CA12: variants seen among roughly 807,000 people sequenced by gnomAD.
The protein encoded by CA12 is carbonate dehydratase XII.
In CA12, 36 loss-of-function variants were observed where a neutral mutation model predicts 46.8. The observed-to-expected ratio is 0.77, with a 90% CI of 0.59 to 1.02. CA12 has a LOEUF of 1.02. CA12 is among the 50% of genes least tolerant of loss of function. CA12 has a pLI of 0.00. For missense variants in CA12, 436 were observed against 451.4 expected, an observed-to-expected ratio of 0.97 and a Z score of 0.31; for synonymous variants, 202 against 187.0, an observed-to-expected ratio of 1.08 and a Z score of -0.65.
chr15:63,365,616 A>G (rs2039427028), intron 2 of CA12, among the ~76,000 whole-genome samples: 1 of 152,250 alleles, frequency 6.6e-6, no homozygotes, highest in African/African-American at 2.4e-5. Context: ...TTCAGCCACA[A>G]TCAGGCTGCT....
intron 4 of CA12, among the ~76,000 whole-genome samples, chr15:63,344,050 G>C (rs992986429): frequency 6.6e-6 from 1 of 152,200 alleles, no homozygotes; most frequent in Non-Finnish European, 1.5e-5. Flanking sequence ...TCAGGACAAA[G>C]GATAGAACTC....
chr15:63,368,171 A>C (rs2039458825), intron 2 of CA12, among the ~76,000 whole-genome samples: 1 of 152,236 alleles, frequency 6.6e-6, no homozygotes, highest in Admixed American at 6.5e-5. Context: ...TTCTCAATGC[A>C]ACTGATAACA....
intron 1 of CA12, among the ~76,000 whole-genome samples, chr15:63,381,146 T>C (rs1248492702): frequency 6.6e-6 from 1 of 152,102 alleles, no homozygotes; most frequent in Non-Finnish European, 1.5e-5. Context: ...ATGGGATGCA[T>C]CATCCCTTTG....
Position 63,346,678 on chromosome 15 carries a change from C to G in CA12, c.138G>C (p.Lys46Asn), listed in dbSNP as rs1555430395. 1 of 1,614,224 alleles carries G rather than the reference C, an allele frequency of 6.2e-7. No individual in the cohort carries two copies. The highest frequency in any genetic ancestry group is 1.7e-5 in the Admixed American group (1 of 60,020). ...GCAGCAGGCCCCCACACGACGGGTA[C>G]TTCTTGGACCAGCTATTCTCCCCAT... ...GPDGENSWSK[K>N]YPSCGGLLQS... is the part of the protein sequence containing the mutation. The change falls in exon 3 of 11, where the codon AAG becomes AAC. Residue 46 changes from lysine (K) to asparagine (N), a missense_variant. Transcript: ENST00000178638.
chr15:63,339,331 G>A lies in CA12; in HGVS notation c.748-386C>T, dbSNP rs2039045679. On this transcript the variant is annotated intron_variant, in intron 7 of 10. Transcript: ENST00000178638. The surrounding 1 kb of genome is among the most constrained non-coding windows in gnomAD (Gnocchi z 4.3). ...GCCAGCTCTCAACCAGAGGGTCGCA[G>A]GGCTTGTTCTGATGGTCATATCAGA... is the stretch of plus-strand genomic sequence containing the variant. 6.6e-6 allele frequency among the ~76,000 whole-genome samples: 1 copy of A among 152,120 alleles called. No individual in the cohort carries two copies. Among genetic ancestry groups the A allele is most frequent in the Admixed American group, 6.5e-5 (1 of 15,276 alleles).
chr15:63,339,252 A>AGT lies in CA12; in HGVS notation c.748-309_748-308dup, dbSNP rs1410045994. ...CGTGGAGGGAAACCTGGGGTGATGG[A>AGT]GTGCTCCTTAACCTCCACAGAGACT... On this transcript the variant is annotated intron_variant, in intron 7 of 10. Coordinates refer to ENST00000178638, the MANE Select transcript of CA12 (RefSeq NM_001218.5). This position sits in a 1 kb window ranked among gnomAD's most constrained non-coding sequence, Gnocchi z 4.3. 3.9e-4 allele frequency among the ~76,000 whole-genome samples: 6 copies of AGT among 15,216 alleles called. No individual in the cohort carries two copies. The highest frequency in any genetic ancestry group is 1.1e-3 in the African/African-American group (6 of 5,420). 10.0% of individuals were successfully genotyped at this position (15,216 alleles called of 152,430 possible).
chr15:63,362,901 C>G (rs184294449), intron 2 of CA12, among the ~76,000 whole-genome samples: 1 of 152,264 alleles, frequency 6.6e-6, no homozygotes, highest in East Asian at 1.9e-4. Flanking sequence ...GTGGGAAGGT[C>G]GAGGGCTTTG....
chr15:63,345,473 T>C lies in CA12; in HGVS notation c.429+4A>G. On this transcript the variant is annotated splice_donor_region_variant and intron_variant, in intron 4 of 10. Coordinates refer to ENST00000178638, the MANE Select transcript of CA12 (RefSeq NM_001218.5). The surrounding 1 kb of genome is among the most constrained non-coding windows in gnomAD (Gnocchi z 4.3). ...GCCTCTGCCAGACTGGCAGCCCTACTTACCTCGGCGGCGAAGTGCTGTCCG... is the reference window on the plus strand; with the variant it reads ...GCCTCTGCCAGACTGGCAGCCCTACCTACCTCGGCGGCGAAGTGCTGTCCG... 4 of 1,605,854 alleles carry C rather than the reference T, an allele frequency of 2.5e-6. No homozygotes were observed. Among genetic ancestry groups the C allele is most frequent in the Non-Finnish European group, 1.7e-6 (2 of 1,179,944 alleles).
chr15:63,334,157 G>A (rs1355677881), intron 8 of CA12, among the ~76,000 whole-genome samples: 3 of 150,180 alleles, frequency 2.0e-5, no homozygotes, highest in South Asian at 2.1e-4. Context: ...GCCTGAGGAC[G>A]TGTCCCCTCC....
In CA12 at chr15:63,330,055, C is replaced by T. The variant is rs1477044009; in HGVS notation, c.875-1925G>A. On this transcript the variant is annotated intron_variant, in intron 8 of 10. Transcript: ENST00000178638. The surrounding 1 kb of genome is among the most constrained non-coding windows in gnomAD (Gnocchi z 4.0). ...AGAGCTGTCCCCAAGGACAGGGAAG[C>T]CTATTCTCCCTACTCTGCTCACCAC... 6.6e-6 allele frequency among the ~76,000 whole-genome samples: 1 copy of T among 152,194 alleles called. No individual in the cohort carries two copies. Among genetic ancestry groups the T allele is most frequent in the Non-Finnish European group, 1.5e-5 (1 of 68,034 alleles).
chr15:63,336,730 G>C (rs1391242258), intron 8 of CA12, among the ~76,000 whole-genome samples: 3 of 151,908 alleles, frequency 2.0e-5, no homozygotes, highest in Non-Finnish European at 4.4e-5. Flanking sequence ...GCCTGAAGAA[G>C]GGACACGATT....
intron 8 of CA12, among the ~76,000 whole-genome samples, chr15:63,332,289 T>G (rs1222930340): frequency 6.6e-6 from 1 of 152,192 alleles, no homozygotes; most frequent in East Asian, 1.9e-4. Flanking sequence ...ACTGCGGAGT[T>G]TTCCTTATGA....
chr15:63,324,955 C>G lies in CA12; in HGVS notation c.*1330G>C, dbSNP rs772464046. ...GCTCTCAACTAGGGGTCGGTTCCTT[C>G]TCAGTCATGGCACTGACTCATCTCC... On this transcript the variant is annotated 3_prime_UTR_variant, in exon 11 of 11. Coordinates refer to ENST00000178638, the MANE Select transcript of CA12 (RefSeq NM_001218.5). 1 of 152,192 alleles carries G rather than the reference C, an allele frequency of 6.6e-6. No individual in the cohort carries two copies. The highest frequency in any genetic ancestry group is 2.4e-5 in the African/African-American group (1 of 41,444). The allele number at this position is 152,192 out of a possible 1,614,324, so 9.4% of individuals were successfully genotyped here.
At position 63,330,985 on chromosome 15, in the gene CA12, G is replaced by A. The variant is rs903459020; in HGVS notation, c.875-2855C>T. Among the ~76,000 whole-genome samples, 1 of 152,252 alleles carries A rather than the reference G, an allele frequency of 6.6e-6. No homozygotes were observed. Among genetic ancestry groups the A allele is most frequent in the Non-Finnish European group, 1.5e-5 (1 of 68,044 alleles). On this transcript the variant is annotated intron_variant, in intron 8 of 10. Coordinates refer to ENST00000178638, the MANE Select transcript of CA12 (RefSeq NM_001218.5). The surrounding 1 kb of genome is among the most constrained non-coding windows in gnomAD (Gnocchi z 4.0). ...ACAGCAAAAACGAAGCAGCTTGACT[G>A]AGCCAACATCATAAGCTGTTAAGGA... is the stretch of plus-strand genomic sequence containing the variant.
Position 63,340,683 on chromosome 15 carries a change from C to A in CA12, c.589+37G>T, listed in dbSNP as rs2039066878. On this transcript the variant is annotated intron_variant, in intron 6 of 10. Coordinates refer to ENST00000178638, the MANE Select transcript of CA12 (RefSeq NM_001218.5). This position sits in a 1 kb window ranked among gnomAD's most constrained non-coding sequence, Gnocchi z 4.4. ...CACACAGGGCTGACTACCTCCTTCT[C>A]CAGCAGAGAGTGAATATGCATGCAA... The A allele has an allele frequency of 6.3e-7, 1 of 1,599,594 alleles. No homozygotes were observed. Among genetic ancestry groups the A allele is most frequent in the Admixed American group, 1.7e-5 (1 of 59,988 alleles).
intron 1 of CA12, among the ~76,000 whole-genome samples, chr15:63,377,711 T>C (rs1457209742): frequency 6.6e-6 from 1 of 152,196 alleles, no homozygotes; most frequent in African/African-American, 2.4e-5. Context: ...AGCAACCACT[T>C]TGGATCTTTT....
chr15:63,379,601 G>A (rs1220399207), intron 1 of CA12, among the ~76,000 whole-genome samples: 2 of 152,238 alleles, frequency 1.3e-5, no homozygotes, highest in Non-Finnish European at 2.9e-5. Flanking sequence ...AAACCTGGGA[G>A]GCTCAGCCTG....
At chr15:63,334,996 A>G (rs2152612799) in intron 8 of CA12, among the ~76,000 whole-genome samples, 1 of 152,364 alleles carries the variant, frequency 6.6e-6, no homozygotes, top group South Asian at 2.1e-4. Flanking sequence ...ATAAAACTCC[A>G]GACTCCTATG....
chr15:63,350,579 T>C (rs1052674447), intron 2 of CA12, among the ~76,000 whole-genome samples: 4 of 152,218 alleles, frequency 2.6e-5, no homozygotes, highest in African/African-American at 9.6e-5. Context: ...ATTTCTTTCC[T>C]GTCTATGTGT....
Sources: gnomAD v4.1 joint callset for allele counts (sites outside exome capture counted in the v4.1 genomes callset) on GRCh38, gnomAD v4.1.1 for gene constraint, Gnocchi (gnomAD v3.1) non-coding constraint, MANE v1.5 for transcripts, NCBI Gene and HGNC (gene_info 2026-07-23, HGNC 2026-07-21) for gene names.